PCDH15: variants seen among roughly 807,000 people sequenced by gnomAD.
PCDH15 encodes the protein protocadherin related 15, also known as protocadherin-15.
In PCDH15, 129 loss-of-function variants were observed where a neutral mutation model predicts 178.5. That is an observed-to-expected ratio of 0.72 (90% CI 0.63 to 0.84). The LOEUF (loss-of-function observed/expected upper bound fraction) is 0.84. Among genes scored for constraint, PCDH15 ranks in the 40% least tolerant of loss-of-function variants. The pLI, the probability that PCDH15 is intolerant of heterozygous loss-of-function variation, is 0.00. For missense variants in PCDH15, 2,230 were observed against 2,099.9 expected, an observed-to-expected ratio of 1.06 and a Z score of -1.21; for synonymous variants, 800 against 732.0, an observed-to-expected ratio of 1.09 and a Z score of -1.50.
intron 2 of PCDH15, among the ~76,000 whole-genome samples, chr10:55,106,682 C>T (rs989643826): frequency 1.3e-5 from 2 of 152,148 alleles, no homozygotes; most frequent in Non-Finnish European, 2.9e-5. Context: ...TCCCAAAGTG[C>T]TGGGATATTA....
chr10:53,983,603 G>A (rs1241587119), intron 21 of PCDH15, among the ~76,000 whole-genome samples: 2 of 152,122 alleles, frequency 1.3e-5, no homozygotes, highest in Non-Finnish European at 2.9e-5. Context: ...TTGCTTTAGG[G>A]CTATTTACCA....
intron 2 of PCDH15, among the ~76,000 whole-genome samples, chr10:55,372,202 G>T (rs1458441453): frequency 1.3e-5 from 2 of 152,028 alleles, no homozygotes; most frequent in Non-Finnish European, 2.9e-5. Context: ...CACTTATAGA[G>T]AAATGCATTT....
At chr10:55,146,283 T>C (rs1273216789) in intron 2 of PCDH15, among the ~76,000 whole-genome samples, 3 of 151,942 alleles carry the variant, frequency 2.0e-5, no homozygotes, top group Non-Finnish European at 4.4e-5. Flanking sequence ...AAAACTACTG[T>C]TTTTGACTGA....
At chr10:53,968,750 T>C (rs2089331303) in intron 21 of PCDH15, among the ~76,000 whole-genome samples, 1 of 152,114 alleles carries the variant, frequency 6.6e-6, no homozygotes, top group African/African-American at 2.4e-5. Context: ...CGGTCTGGAG[T>C]GGACCTCCAG....
At chr10:53,889,184 A>G (rs1407597075) in intron 26 of PCDH15, among the ~76,000 whole-genome samples, 2 of 152,064 alleles carry the variant, frequency 1.3e-5, no homozygotes, top group Non-Finnish European at 2.9e-5. Flanking sequence ...AAACAAGACA[A>G]AAAGTTGCTC....
chr10:54,038,600 T>C (rs912571672), intron 18 of PCDH15, among the ~76,000 whole-genome samples: 2 of 151,878 alleles, frequency 1.3e-5, no homozygotes, highest in Non-Finnish European at 2.9e-5. Context: ...TACACTGAAA[T>C]GGGTGTGACT....
chr10:54,200,585 C>T (rs2050135430), intron 10 of PCDH15, among the ~76,000 whole-genome samples: 1 of 152,144 alleles, frequency 6.6e-6, no homozygotes, highest in South Asian at 2.1e-4. Context: ...TTTGCCTCAG[C>T]CACTCAAAGC....
chr10:54,274,748 G>A (rs995344928), intron 8 of PCDH15, among the ~76,000 whole-genome samples: 1 of 151,494 alleles, frequency 6.6e-6, no homozygotes, highest in African/African-American at 2.4e-5. Context: ...CATATTGACA[G>A]ATAAAGGATT....
At chr10:54,369,309 A>G (rs376192560) in intron 4 of PCDH15, 34 bp from the exon 5 acceptor site, 1 of 1,597,548 alleles carries the variant, frequency 6.3e-7, no homozygotes. Context: ...TTAAAATACT[A>G]ATTAAAAACA....
intron 2 of PCDH15, among the ~76,000 whole-genome samples, chr10:55,041,264 A>AT (rs1840857153): frequency 6.6e-6 from 1 of 152,112 alleles, no homozygotes; most frequent in Non-Finnish European, 1.5e-5. Context: ...TTCAATATAT[A>AT]ATGAAAATCT....
chr10:53,888,299 T>TACGTATATATAC (rs2081254682), intron 26 of PCDH15, among the ~76,000 whole-genome samples: 1 of 75,560 alleles, frequency 1.3e-5, no homozygotes, highest in African/African-American at 5.2e-5. Context: ...TACATATATA[T>TACGTATATATAC]ATATATATAT....
At chr10:54,526,903 C>T (rs1392570484) in intron 3 of PCDH15, among the ~76,000 whole-genome samples, 2 of 151,992 alleles carry the variant, frequency 1.3e-5, no homozygotes, top group Non-Finnish European at 2.9e-5. Flanking sequence ...AGTACATGTA[C>T]GCGTGTAGAT....
In PCDH15 at chr10:54,752,350, G is replaced by A. The variant is rs1241861539; in HGVS notation, c.-29+48575C>T. On this transcript the variant is annotated intron_variant, in intron 1 of 37. Coordinates refer to ENST00000644397, the MANE Select transcript of PCDH15 (RefSeq NM_001384140.1). Reference sequence around the variant, plus strand: ...AAATTAGCCGGGCGTGGTGGCGGGCGCCTGTAGTCCCAGCTACTCTGGAGG... The same window carrying A: ...AAATTAGCCGGGCGTGGTGGCGGGCACCTGTAGTCCCAGCTACTCTGGAGG... Among the ~76,000 whole-genome samples the A allele has an allele frequency of 3.3e-5, 5 of 151,428 alleles. No homozygotes were observed. In the East Asian group the frequency reaches 7.8e-4, roughly 24 times the overall value.
chr10:55,389,412 A>C (rs568232735), intron 2 of PCDH15, among the ~76,000 whole-genome samples: 9 of 152,254 alleles, frequency 5.9e-5, no homozygotes, highest in African/African-American at 2.2e-4. Context: ...TCTCTGTTAT[A>C]GTCAGTTTCA....
intron 3 of PCDH15, among the ~76,000 whole-genome samples, chr10:54,511,551 C>T (rs117167542): frequency 5.7e-4 from 86 of 152,142 alleles, no homozygotes; most frequent in Admixed American, 1.6e-3. Context: ...TGTTTGTTTC[C>T]ATATTAAGTC....
chr10:53,852,551 C>T (rs1483920444), intron 28 of PCDH15, among the ~76,000 whole-genome samples: 1 of 152,070 alleles, frequency 6.6e-6, no homozygotes, highest in East Asian at 1.9e-4. Context: ...GTAATCATTA[C>T]AGCAGCTAAG....
chr10:54,370,065 A>G (rs1947419482), intron 4 of PCDH15, among the ~76,000 whole-genome samples: 1 of 152,028 alleles, frequency 6.6e-6, no homozygotes, highest in South Asian at 2.1e-4. Flanking sequence ...GCATATGCTT[A>G]CTTATCTAAT....
At chr10:54,317,124 C>A (rs960110096) in intron 8 of PCDH15, 147 bp downstream of exon 8, 1 of 822,068 alleles carries the variant, frequency 1.2e-6, no homozygotes. Context: ...TTCATACTCC[C>A]TGAAAATAGT....
intron 1 of PCDH15, among the ~76,000 whole-genome samples, chr10:55,249,866 G>T (rs997275433): frequency 1.1e-4 from 17 of 151,734 alleles, no homozygotes; most frequent in African/African-American, 3.9e-4. Flanking sequence ...TAATTTAAAA[G>T]AAAGTGCAGA....
Sources: allele counts gnomAD v4.1 joint callset (sites outside exome capture counted in the v4.1 genomes callset), GRCh38; gene constraint gnomAD v4.1.1; transcripts MANE v1.5; gene names NCBI Gene and HGNC (gene_info 2026-07-23, HGNC 2026-07-21).